Variants in LNPK observed in about 807,000 individuals in gnomAD.
LNPK encodes the protein endoplasmic reticulum junction formation protein lunapark.
A neutral mutation model predicts 55.2 loss-of-function variants in LNPK; 29 were observed. That is an observed-to-expected ratio of 0.53 (90% CI 0.39 to 0.72). The LOEUF is 0.72. LNPK is among the 30% of genes least tolerant of loss of function. The probability of loss-of-function intolerance (pLI) is 0.00; values close to 1 mark genes in which losing one functional copy is unlikely to be tolerated. For missense variants in LNPK, 467 were observed against 494.8 expected, an observed-to-expected ratio of 0.94 and a Z score of 0.53; for synonymous variants, 162 against 168.2, an observed-to-expected ratio of 0.96 and a Z score of 0.29.
At chr2:175,951,266 G>A (rs1341625406) in intron 8 of LNPK, among the ~76,000 whole-genome samples, 6 of 151,786 alleles carry the variant, frequency 4.0e-5, no homozygotes, top group East Asian at 1.9e-4. Context: ...GGTGGTGTTC[G>A]GTTACATGAG....
At chr2:175,958,917 T>C (rs1354333858) in intron 8 of LNPK, among the ~76,000 whole-genome samples, 1 of 152,142 alleles carries the variant, frequency 6.6e-6, no homozygotes, top group Non-Finnish European at 1.5e-5. Context: ...GAGAACTACG[T>C]GATGCATGCA....
At chr2:175,978,310 T>C (rs150603957) in intron 5 of LNPK, among the ~76,000 whole-genome samples, 155 of 152,328 alleles carry the variant, frequency 1.0e-3, no homozygotes, top group African/African-American at 3.3e-3. Flanking sequence ...CCAAATTCTA[T>C]ACCACTTTTA....
intron 9 of LNPK, among the ~76,000 whole-genome samples, chr2:175,940,208 G>A (rs780280354): frequency 5.3e-5 from 8 of 151,790 alleles, no homozygotes; most frequent in African/African-American, 1.5e-4. Context: ...GTTTCCACTC[G>A]GCAGTGAAAA....
intron 8 of LNPK, among the ~76,000 whole-genome samples, chr2:175,954,873 T>C (rs1002151376): frequency 6.6e-6 from 1 of 152,160 alleles, no homozygotes; most frequent in Non-Finnish European, 1.5e-5. Flanking sequence ...GAGTTGCATA[T>C]AGAGGTAGCA....
intron 1 of LNPK, among the ~76,000 whole-genome samples, chr2:175,997,158 C>A (rs534562502): frequency 1.3e-5 from 2 of 152,244 alleles, no homozygotes; most frequent in South Asian, 4.1e-4. Context: ...AATACTTTTA[C>A]TCACAAAGTA....
chr2:175,926,605 A>C lies in LNPK; in HGVS notation c.*3362T>G, dbSNP rs1481975510. On this transcript the variant is annotated 3_prime_UTR_variant, in exon 13 of 13. Transcript: ENST00000272748. ...TCTCTTCTAGTAGTCCAAAGATAAA[A>C]ATCTTCACAGGATTCTTGCCAAAGT... 2 of 152,246 alleles carry C rather than the reference A, an allele frequency of 1.3e-5. No individual in the cohort carries two copies. The highest frequency in any genetic ancestry group is 1.9e-4 in the East Asian group (1 of 5,192). The allele number at this position is 152,246 out of a possible 1,614,324, so 9.4% of individuals were successfully genotyped here.
At chr2:175,955,453 C>T (rs538383871) in intron 8 of LNPK, among the ~76,000 whole-genome samples, 100 of 152,270 alleles carry the variant, frequency 6.6e-4, no homozygotes, top group Non-Finnish European at 1.2e-3. Flanking sequence ...CTGTCTCCAC[C>T]AAACCCTAGC....
At chr2:175,964,346 G>C (rs553433977) in intron 8 of LNPK, 26 bp downstream of exon 8, 1 of 1,599,058 alleles carries the variant, frequency 6.3e-7, no homozygotes, top group East Asian at 2.2e-5. Context: ...TCCAACAGCA[G>C]CAGCAGTTTC....
chr2:175,999,012 T>C (rs567595458), intron 1 of LNPK, among the ~76,000 whole-genome samples: 2 of 152,210 alleles, frequency 1.3e-5, no homozygotes, highest in African/African-American at 4.8e-5. Flanking sequence ...TGCTTTTAAA[T>C]TTGTACTCTA....
intron 1 of LNPK, among the ~76,000 whole-genome samples, chr2:175,997,715 G>GTGTGTGTC (rs1368685494): frequency 2.1e-5 from 3 of 142,604 alleles, no homozygotes; most frequent in Admixed American, 2.1e-4. Flanking sequence ...CTGTGTGTGT[G>GTGTGTGTC]TGTGTGTGTG....
intron 4 of LNPK, 28 bp from the exon 5 acceptor site, chr2:175,979,896 A>G: frequency 6.5e-7 from 1 of 1,543,570 alleles, no homozygotes; most frequent in Non-Finnish European, 8.7e-7. Context: ...TTCAGAAACA[A>G]AAAACATCAT....
chr2:175,984,520 TA>T (rs1195373122), intron 4 of LNPK, among the ~76,000 whole-genome samples: 1 of 151,964 alleles, frequency 6.6e-6, no homozygotes, highest in Admixed American at 6.6e-5. Flanking sequence ...ATTCAACAGT[TA>T]AAAAAACTAA....
chr2:175,979,948 AT>A, intron 4 of LNPK, 80 bp from the exon 5 acceptor site: 1 of 1,301,732 alleles, frequency 7.7e-7, no homozygotes, highest in Non-Finnish European at 1.1e-6. Context: ...GAAAACATAT[AT>A]TTCCAATTAG....
At chr2:175,962,554 C>T (rs1292389773) in intron 8 of LNPK, among the ~76,000 whole-genome samples, 1 of 152,120 alleles carries the variant, frequency 6.6e-6, no homozygotes, top group East Asian at 1.9e-4. Context: ...AAAATTAATT[C>T]AAGATGTATT....
intron 9 of LNPK, chr2:175,941,146 G>A (rs1400818195): frequency 8.6e-6 from 3 of 348,844 alleles, no homozygotes; most frequent in Admixed American, 7.6e-5. Context: ...AGCTACTCAG[G>A]AGGCAGAGGT....
intron 6 of LNPK, among the ~76,000 whole-genome samples, chr2:175,967,197 G>A (rs973531911): frequency 2.6e-5 from 4 of 152,052 alleles, no homozygotes; most frequent in Admixed American, 1.3e-4. Context: ...GCTATCGTTA[G>A]TGTTAAAGAA....
At position 175,939,748 on chromosome 2, in the gene LNPK, A is replaced by G; in HGVS notation, c.707-91T>C. 5.3e-6 allele frequency: 3 copies of G among 570,896 alleles called. No individual in the cohort carries two copies. The East Asian group carries it at 9.3e-5, about 18-fold the overall frequency. The allele number at this position is 570,896 out of a possible 1,614,324, so 35.4% of individuals were successfully genotyped here. A position where few individuals can be genotyped will look rare whatever the true frequency, so the allele number is the denominator to read the frequency against. On this transcript the variant is annotated intron_variant, in intron 9 of 12. Coordinates refer to ENST00000272748, the MANE Select transcript of LNPK (RefSeq NM_030650.3). ...ACCAAGAACTACCTATACTTGTTAG[A>G]AATTTTAAAAGGTTTTAACAAAATA...
chr2:175,943,673 T>C (rs190967596), intron 9 of LNPK, among the ~76,000 whole-genome samples: 56 of 152,074 alleles, frequency 3.7e-4, no homozygotes, highest in African/African-American at 1.3e-3. Context: ...AAGCCCAATA[T>C]AAACATCTCA....
chr2:175,995,529 AG>A (rs774858124), intron 2 of LNPK, 28 bp downstream of exon 2: 18 of 1,577,872 alleles, frequency 1.1e-5, no homozygotes, highest in Non-Finnish European at 1.5e-5. Flanking sequence ...ATTAGACTCA[AG>A]AACTAGCTGT....
Sources: allele counts gnomAD v4.1 joint callset (sites outside exome capture counted in the v4.1 genomes callset), GRCh38; gene constraint gnomAD v4.1.1; transcripts MANE v1.5; gene names NCBI Gene and HGNC (gene_info 2026-07-23, HGNC 2026-07-21).